The following VWA3B variants were observed in gnomAD, a reference collection of about 807,000 sequenced individuals.
VWA3B encodes the protein von Willebrand factor A domain containing 3B, also known as von Willebrand factor A domain-containing protein 3B.
VWA3B carries 138 observed loss-of-function variants against 158.3 expected under a neutral mutation model. The observed-to-expected ratio is 0.87, with a 90% CI of 0.76 to 1.00. VWA3B has a LOEUF of 1.00. VWA3B is among the 50% of genes least tolerant of loss of function. The pLI, the probability that VWA3B is intolerant of heterozygous loss-of-function variation, is 0.00. For missense variants in VWA3B, 1,555 were observed against 1,565.1 expected (o/e 0.99, Z 0.11); for synonymous variants, 596 against 587.3 (o/e 1.01, Z -0.21).
intron 14 of VWA3B, among the ~76,000 whole-genome samples, chr2:98,223,651 G>A (rs1341790271): frequency 6.6e-6 from 1 of 152,172 alleles, no homozygotes; most frequent in African/African-American, 2.4e-5. Flanking sequence ...AAAGAAGCCA[G>A]GGGGAAAATG....
At chr2:98,177,443 G>A (rs1038335193) in intron 8 of VWA3B, among the ~76,000 whole-genome samples, 1 of 152,154 alleles carries the variant, frequency 6.6e-6, no homozygotes, top group African/African-American at 2.4e-5. Flanking sequence ...CAGGGAAAAG[G>A]AAAGGACCCC....
Position 98,128,342 on chromosome 2 carries a change from C to A in VWA3B, c.806C>A (p.Ser269Tyr). 9.3e-6 allele frequency: 15 copies of A among 1,614,118 alleles called. No individual in the cohort carries two copies. Among genetic ancestry groups the A allele is most frequent in the Non-Finnish European group, 1.2e-5 (14 of 1,180,002 alleles). ...ATCCCGTGTCCAGTCTACACAGTGT[C>A]CTTCAACGCCAGAGGAGAAGGCACT... ...LEIPCPVYTV[S>Y]FNARGEGTIA... The change falls in exon 6 of 28, where the codon TCC becomes TAC. Residue 269 changes from serine (S) to tyrosine (Y), a missense_variant. By Grantham distance (144) the Ser-to-Tyr change is moderately radical. Transcript: ENST00000477737.
At chr2:98,240,360 T>C (rs560084233) in intron 19 of VWA3B, among the ~76,000 whole-genome samples, 1 of 152,344 alleles carries the variant, frequency 6.6e-6, no homozygotes, top group Non-Finnish European at 1.5e-5. Flanking sequence ...TAATGGATAT[T>C]TACATTGTGT....
At chr2:98,230,805 C>T (rs1294646016) in intron 16 of VWA3B, among the ~76,000 whole-genome samples, 1 of 151,926 alleles carries the variant, frequency 6.6e-6, no homozygotes, top group Non-Finnish European at 1.5e-5. Context: ...GCCACTGTAA[C>T]AAGGCAAGAA....
In VWA3B at chr2:98,125,733, G is replaced by A. The variant is rs527260601; in HGVS notation, c.703-2506G>A. On this transcript the variant is annotated intron_variant, in intron 5 of 27. Coordinates refer to ENST00000477737, the MANE Select transcript of VWA3B (RefSeq NM_144992.5). The surrounding 1 kb of genome is among the most constrained non-coding windows in gnomAD (Gnocchi z 4.1). ...AGGCTGGAGTGCAGTGGCACGATTC[G>A]GCTCACTGCAAGCTCCGCCTCCCAG... Among the ~76,000 whole-genome samples the A allele has an allele frequency of 9.2e-5, 14 of 151,936 alleles. No individual in the cohort carries two copies. The highest frequency in any genetic ancestry group is 3.1e-4 in the African/African-American group (13 of 41,386).
intron 8 of VWA3B, among the ~76,000 whole-genome samples, chr2:98,167,454 G>A (rs899119895): frequency 2.0e-5 from 3 of 152,148 alleles, no homozygotes; most frequent in African/African-American, 7.2e-5. Flanking sequence ...GACATACAGG[G>A]CCAAAGAAAG....
At position 98,188,231 on chromosome 2, in the gene VWA3B, G is replaced by A. The variant is rs1000026034; in HGVS notation, c.1466+102G>A. On this transcript the variant is annotated intron_variant, in intron 10 of 27. Coordinates refer to ENST00000477737, the MANE Select transcript of VWA3B (RefSeq NM_144992.5). ...CTTTTATTTTTAGTTGACACATAAT[G>A]ATTGTACCTATTTATGTGATACAGA... 6.3e-6 allele frequency: 9 copies of A among 1,430,002 alleles called. No homozygotes were observed. In the African/African-American group the frequency reaches 9.9e-5, roughly 16 times the overall value. 88.6% of individuals were successfully genotyped at this position (1,430,002 alleles called of 1,614,324 possible).
chr2:98,207,052 C>A, intron 12 of VWA3B: 1 of 503,202 alleles, frequency 2.0e-6, no homozygotes, highest in Non-Finnish European at 4.0e-6. Context: ...AGATGTACTC[C>A]TGTTTATTGA....
At chr2:98,318,995 C>T in the VWA3B span, among the ~76,000 whole-genome samples, 7 of 152,112 alleles carry the variant, frequency 4.6e-5, no homozygotes, top group Non-Finnish European at 7.3e-5. Context: ...CCACATCCCA[C>T]GAATAGTGTA....
At chr2:98,316,863 T>C (rs1691100287), downstream of VWA3B, among the ~76,000 whole-genome samples, 2 of 152,132 alleles carry the variant, frequency 1.3e-5, no homozygotes, top group African/African-American at 4.8e-5. Context: ...TACTGGCTCC[T>C]TCTTCACCTT....
At chr2:98,179,333 C>G (rs1343385441) in intron 8 of VWA3B, 2 of 471,048 alleles carry the variant, frequency 4.2e-6, no homozygotes, top group East Asian at 1.4e-4. Context: ...ATAACACAGT[C>G]TTCTCAGTGT....
At position 98,212,010 on chromosome 2, in the gene VWA3B, C is replaced by T. The variant is rs376968018; in HGVS notation, c.1818C>T (p.Thr606=). The T allele has an allele frequency of 4.3e-5, 70 of 1,613,906 alleles. No individual in the cohort carries two copies. The highest frequency in any genetic ancestry group is 3.3e-4 in the Middle Eastern group (2 of 6,084). ...DKETQAIYLL[T]DGRPDQPPET... The stretch of plus-strand genomic sequence containing the variant: ...AAACACAGGCAATCTACCTTCTGAC[C>T]GATGGGAGACCTGATCAGGTACTTA... The change falls in exon 13 of 28, where the codon ACC becomes ACT. Residue 606 remains threonine, a synonymous_variant. Coordinates refer to ENST00000477737, the MANE Select transcript of VWA3B (RefSeq NM_144992.5).
chr2:98,245,654 A>G, intron 19 of VWA3B: 1 of 455,824 alleles, frequency 2.2e-6, no homozygotes, highest in Middle Eastern at 3.3e-4. Flanking sequence ...TCAGGAGACA[A>G]GCTGATCATG....
rs1002094347 is a variant in VWA3B, at chr2:98,122,425, T to G, written c.702+967T>G. Among the ~76,000 whole-genome samples the G allele has an allele frequency of 3.3e-5, 5 of 152,362 alleles. No individual in the cohort carries two copies. The East Asian group carries it at 9.6e-4, about 29-fold the overall frequency. Reference sequence around the variant, plus strand: ...ATAGCCCCCAGTGGTCACCGGCCTGTGTTTATCAATACTGAGGGCAATGGT... The same window carrying G: ...ATAGCCCCCAGTGGTCACCGGCCTGGGTTTATCAATACTGAGGGCAATGGT... On this transcript the variant is annotated intron_variant, in intron 5 of 27. Coordinates refer to ENST00000477737, the MANE Select transcript of VWA3B (RefSeq NM_144992.5).
intron 19 of VWA3B, among the ~76,000 whole-genome samples, chr2:98,248,109 G>T (rs576942798): frequency 4.5e-4 from 68 of 150,744 alleles, no homozygotes; most frequent in African/African-American, 1.3e-3. Flanking sequence ...TTTTTTTCTG[G>T]TTTTTTTTCC....
chr2:98,177,185 GC>G (rs1315292701), intron 8 of VWA3B, among the ~76,000 whole-genome samples: 1 of 152,156 alleles, frequency 6.6e-6, no homozygotes, highest in Non-Finnish European at 1.5e-5. Flanking sequence ...GTTTTCAAAA[GC>G]ATTTTCCCAG....
downstream of VWA3B, among the ~76,000 whole-genome samples, chr2:98,316,792 G>A (rs942062296): frequency 7.9e-5 from 12 of 151,920 alleles, no homozygotes; most frequent in South Asian, 4.2e-4. Context: ...TTAGGAGATC[G>A]GTTGTTTAAA....
intron 7 of VWA3B, among the ~76,000 whole-genome samples, chr2:98,158,036 T>C (rs1438063551): frequency 6.6e-6 from 1 of 152,200 alleles, no homozygotes; most frequent in Non-Finnish European, 1.5e-5. Context: ...AGGGATGTCA[T>C]TGTCAGTGTC....
At chr2:98,127,412 G>A (rs773014536) in intron 5 of VWA3B, among the ~76,000 whole-genome samples, 11 of 152,108 alleles carry the variant, frequency 7.2e-5, no homozygotes, top group Non-Finnish European at 1.2e-4. Context: ...TGGAAGCACC[G>A]TCCCGGGAGG....
Sources: gnomAD v4.1 joint callset for allele counts (sites outside exome capture counted in the v4.1 genomes callset) on GRCh38, gnomAD v4.1.1 for gene constraint, Gnocchi (gnomAD v3.1) non-coding constraint, MANE v1.5 for transcripts, NCBI Gene and HGNC (gene_info 2026-07-23, HGNC 2026-07-21) for gene names.